ENTREP2: variants seen among roughly 807,000 people sequenced by gnomAD.
The protein encoded by ENTREP2 is endosomal transmembrane epsin interactor 2, also known as protein ENTREP2.
the ENTREP2 span, among the ~76,000 whole-genome samples, chr15:29,238,845 C>A: frequency 6.6e-6 from 1 of 152,042 alleles, no homozygotes; most frequent in Non-Finnish European, 1.5e-5. Context: ...TGAGAATTCA[C>A]TATCATGATG....
chr15:29,427,894 C>A, the ENTREP2 span, among the ~76,000 whole-genome samples: 2 of 152,170 alleles, frequency 1.3e-5, no homozygotes, highest in Non-Finnish European at 2.9e-5. Flanking sequence ...AACACCAAAT[C>A]ACACCCACTA....
chr15:29,615,747 TG>T, the ENTREP2 span, among the ~76,000 whole-genome samples: 1 of 152,308 alleles, frequency 6.6e-6, no homozygotes, highest in Admixed American at 6.5e-5. Flanking sequence ...ATTTCTATTT[TG>T]GGTTGAACTT....
chr15:29,573,656 TCC>T, the ENTREP2 span, among the ~76,000 whole-genome samples: 2 of 150,774 alleles, frequency 1.3e-5, no homozygotes, highest in African/African-American at 4.9e-5. Flanking sequence ...CCTCTCTCTC[TCC>T]CTCTCTCTCT....
chr15:29,248,477 G>A, the ENTREP2 span, among the ~76,000 whole-genome samples: 1 of 151,954 alleles, frequency 6.6e-6, no homozygotes, highest in African/African-American at 2.4e-5. Flanking sequence ...TATATAAAGA[G>A]CTCTTATAAA....
chr15:29,325,031 C>G, the ENTREP2 span, among the ~76,000 whole-genome samples: 4 of 152,080 alleles, frequency 2.6e-5, no homozygotes, highest in Admixed American at 2.6e-4. Flanking sequence ...AAATCACTAA[C>G]AGAAAAAGAT....
chr15:29,442,601 C>T, the ENTREP2 span, among the ~76,000 whole-genome samples: 1 of 152,192 alleles, frequency 6.6e-6, no homozygotes, highest in African/African-American at 2.4e-5. Context: ...AGGGCACACA[C>T]AGCCCCAAAT....
chr15:29,444,247 A>G, the ENTREP2 span, among the ~76,000 whole-genome samples: 3 of 148,644 alleles, frequency 2.0e-5, no homozygotes, highest in Non-Finnish European at 3.0e-5. Flanking sequence ...AGAAAGAAAG[A>G]AAGAGAAAGA....
the ENTREP2 span, among the ~76,000 whole-genome samples, chr15:29,599,463 A>G: frequency 1.2e-3 from 183 of 152,358 alleles, no homozygotes; most frequent in Non-Finnish European, 2.2e-3. Flanking sequence ...CACAGTTGAT[A>G]GAGCAAACTT....
At chr15:29,639,930 A>C in the ENTREP2 span, among the ~76,000 whole-genome samples, 14 of 151,990 alleles carry the variant, frequency 9.2e-5, 1 homozygote. Context: ...CACCACGCCC[A>C]GCTAATTTTT....
the ENTREP2 span, among the ~76,000 whole-genome samples, chr15:29,587,080 G>C: frequency 8.6e-5 from 13 of 151,526 alleles, no homozygotes; most frequent in Non-Finnish European, 1.9e-4. Flanking sequence ...CTGTAGTCCT[G>C]AATTTGAACT....
chr15:29,609,891 T>C, the ENTREP2 span: 2 of 150,520 alleles, frequency 1.3e-5, no homozygotes, highest in African/African-American at 2.4e-5. Context: ...TTTGCCACAA[T>C]AGTAATAAAA....
chr15:29,497,324 C>G, the ENTREP2 span, among the ~76,000 whole-genome samples: 2 of 152,094 alleles, frequency 1.3e-5, no homozygotes, highest in East Asian at 3.9e-4. Flanking sequence ...TTTTTGGAAG[C>G]GTTTGAGAAG....
At chr15:29,362,099 A>G in the ENTREP2 span, among the ~76,000 whole-genome samples, 1 of 152,068 alleles carries the variant, frequency 6.6e-6, no homozygotes, top group Non-Finnish European at 1.5e-5. Context: ...AGGGCTTCTG[A>G]GCTCCCAGAG....
At chr15:29,669,302 T>C in the ENTREP2 span, among the ~76,000 whole-genome samples, 175 of 152,266 alleles carry the variant, frequency 1.1e-3, 1 homozygote, top group South Asian at 0.035. Flanking sequence ...ACTGATGGAC[T>C]GGTGGGTTAA....
At chr15:29,560,693 C>T in the ENTREP2 span, among the ~76,000 whole-genome samples, 1 of 152,108 alleles carries the variant, frequency 6.6e-6, no homozygotes, top group African/African-American at 2.4e-5. Context: ...GTCTGCCCCA[C>T]AGCCTCATCT....
the ENTREP2 span, among the ~76,000 whole-genome samples, chr15:29,406,454 A>G: frequency 3.3e-5 from 5 of 152,150 alleles, no homozygotes; most frequent in Non-Finnish European, 5.9e-5. Context: ...TGGCTGAGGT[A>G]AGAGAATCAC....
chr15:29,135,701 T>C, the ENTREP2 span, among the ~76,000 whole-genome samples: 2 of 152,214 alleles, frequency 1.3e-5, no homozygotes, highest in Non-Finnish European at 2.9e-5. This position sits in a 1 kb window ranked among gnomAD's most constrained non-coding sequence, Gnocchi z 7.4. Flanking sequence ...ACGAACATAC[T>C]GCCTGTCACG....
chr15:29,505,479 G>A, the ENTREP2 span, among the ~76,000 whole-genome samples: 1 of 152,178 alleles, frequency 6.6e-6, no homozygotes, highest in Non-Finnish European at 1.5e-5. The surrounding 1 kb of genome is among the most constrained non-coding windows in gnomAD (Gnocchi z 4.3). Flanking sequence ...TCCCAGCAGG[G>A]GTTGACAGAC....
At chr15:29,559,713 T>TAA in the ENTREP2 span, among the ~76,000 whole-genome samples, 4 of 152,170 alleles carry the variant, frequency 2.6e-5, no homozygotes, top group Non-Finnish European at 5.9e-5. Context: ...TCAGATCTTC[T>TAA]GTCTCCCTCT....
Sources: allele counts gnomAD v4.1 joint callset (sites outside exome capture counted in the v4.1 genomes callset), GRCh38; gene constraint gnomAD v4.1.1; non-coding constraint Gnocchi (gnomAD v3.1); transcripts MANE v1.5; gene names NCBI Gene and HGNC (gene_info 2026-07-23, HGNC 2026-07-21).